Variants in FANCC observed in about 807,000 individuals in gnomAD.
The protein encoded by FANCC is FA complementation group C.
Under a neutral mutation model 71.3 loss-of-function variants are expected in FANCC, and 55 were observed. The observed-to-expected ratio is 0.77, with a 90% CI of 0.62 to 0.97. The LOEUF (loss-of-function observed/expected upper bound fraction) is 0.97. Among genes scored for constraint, FANCC ranks in the 50% least tolerant of loss-of-function variants. The pLI is 0.00. For missense variants in FANCC, 678 were observed against 670.9 expected (o/e 1.01, Z -0.12); for synonymous variants, 275 against 244.9 (o/e 1.12, Z -1.15).
intron 1 of FANCC, among the ~76,000 whole-genome samples, chr9:95,264,194 T>A (rs1281928853): frequency 6.6e-6 from 1 of 152,186 alleles, no homozygotes; most frequent in Non-Finnish European, 1.5e-5. Context: ...ATCAAACACA[T>A]CCTAGCTGAC....
In FANCC at chr9:95,206,652, C is replaced by T. The variant is rs572284673; in HGVS notation, c.345+33997G>A. ...CTTTCAAGCTCTTAAAGAAGATATACAGCCCAAGTTAAACCCCTTAACAGA... is the reference window on the plus strand; with the variant it reads ...CTTTCAAGCTCTTAAAGAAGATATATAGCCCAAGTTAAACCCCTTAACAGA... On this transcript the variant is annotated intron_variant, in intron 4 of 14. Transcript: ENST00000289081. 5.9e-5 allele frequency among the ~76,000 whole-genome samples: 9 copies of T among 152,210 alleles called. No individual in the cohort carries two copies. The East Asian group carries it at 1.5e-3, about 26-fold the overall frequency.
chr9:95,101,272 TA>T lies in FANCC; in HGVS notation c.*434del. 1 of 310,018 alleles carries T rather than the reference TA, an allele frequency of 3.2e-6. No homozygotes were observed. The highest frequency in any genetic ancestry group is 4.8e-5 in the East Asian group (1 of 20,982). 19.2% of individuals were successfully genotyped at this position (310,018 alleles called of 1,614,324 possible). ...GGCTTTATCCCAGATCCCTGACTCC[TA>T]AAAAGAGTCTAAAAAGAGCTAAGTT... On this transcript the variant is annotated 3_prime_UTR_variant, in exon 15 of 15. Transcript: ENST00000289081.
At chr9:95,276,765 T>G (rs1833064934) in intron 1 of FANCC, among the ~76,000 whole-genome samples, 1 of 152,196 alleles carries the variant, frequency 6.6e-6, no homozygotes, top group African/African-American at 2.4e-5. Flanking sequence ...AAAGTTACAG[T>G]TAGACAGGAG....
intron 13 of FANCC, chr9:95,110,353 T>C: frequency 3.9e-6 from 4 of 1,020,082 alleles, no homozygotes; most frequent in Non-Finnish European, 3.5e-6. Context: ...TAAGACAGAA[T>C]ATAAAAGGGC....
At chr9:95,294,297 G>T (rs771505685) in intron 1 of FANCC, 10 of 1,583,748 alleles carry the variant, frequency 6.3e-6, no homozygotes, top group Non-Finnish European at 8.7e-6. Flanking sequence ...AAACTGAAGA[G>T]AGTGAACTTA....
intron 1 of FANCC, among the ~76,000 whole-genome samples, chr9:95,278,767 G>T (rs1833195684): frequency 6.6e-6 from 1 of 152,126 alleles, no homozygotes. Context: ...CATATGTATA[G>T]GAGTAACATT....
intron 3 of FANCC, among the ~76,000 whole-genome samples, chr9:95,244,707 A>C (rs1040706679): frequency 6.7e-5 from 10 of 149,714 alleles, no homozygotes; most frequent in Admixed American, 3.3e-4. Flanking sequence ...AAAAAAAAAA[A>C]AAAAAACCCA....
rs930961575 is a variant in FANCC, at chr9:95,159,124, C to T, written c.522-9037G>A. 3.9e-5 allele frequency among the ~76,000 whole-genome samples: 6 copies of T among 152,054 alleles called. No individual in the cohort carries two copies. The South Asian group carries it at 1.2e-3, about 32-fold the overall frequency. On this transcript the variant is annotated intron_variant, in intron 6 of 14. Coordinates refer to ENST00000289081, the MANE Select transcript of FANCC (RefSeq NM_000136.3). ...GGTATACACGTGCCATGTTGGTTTG[C>T]TGCACCCATTACCTCATCATTTACA...
In FANCC at chr9:95,221,572, A is replaced by G. The variant is rs998168151; in HGVS notation, c.345+19077T>C. 3.0e-4 allele frequency among the ~76,000 whole-genome samples: 45 copies of G among 152,184 alleles called. 1 individual carries two copies. The highest frequency in any genetic ancestry group is 2.1e-4 in the South Asian group (1 of 4,828). On this transcript the variant is annotated intron_variant, in intron 4 of 14. Transcript: ENST00000289081. Reference sequence around the variant, plus strand: ...AAAACATATGCACTTTTGAGTATACAATTAAGAAAATGAAAAGGCAAGCCA... The same window carrying G: ...AAAACATATGCACTTTTGAGTATACGATTAAGAAAATGAAAAGGCAAGCCA...
At chr9:95,141,997 T>TG (rs957303984) in intron 7 of FANCC, among the ~76,000 whole-genome samples, 4 of 142,050 alleles carry the variant, frequency 2.8e-5, no homozygotes, top group African/African-American at 5.2e-5. Context: ...TTTTTTTTTT[T>TG]TTTTTTTTTT....
chr9:95,302,403 A>G (rs1490920726), intron 1 of FANCC, among the ~76,000 whole-genome samples: 3 of 152,206 alleles, frequency 2.0e-5, no homozygotes, highest in South Asian at 4.1e-4. Context: ...TCTCTTTGGG[A>G]GTGAAACAGA....
Position 95,111,588 on chromosome 9 carries a change from C to T in FANCC, c.1204G>A (p.Gly402Arg). Residue 402 changes from glycine to arginine, a missense_variant, in exon 13 of 15, where the codon GGA becomes AGA. Transcript: ENST00000289081. ...TGCTCTGCCACCATCTCAGCCCATC[C>T]TCCGAAGTGAATGAACAGGAACCAG... Reference protein sequence around the residue: ...ESWFLFIHFGGWAEMVAEQLL... With the variant: ...ESWFLFIHFGRWAEMVAEQLL... 1.9e-6 allele frequency: 3 copies of T among 1,614,198 alleles called. No individual in the cohort carries two copies. The highest frequency in any genetic ancestry group is 2.5e-6 in the Non-Finnish European group (3 of 1,180,046).
chr9:95,101,011 A>C lies in FANCC; in HGVS notation c.*696T>G, dbSNP rs1465271720. On this transcript the variant is annotated 3_prime_UTR_variant, in exon 15 of 15. Coordinates refer to ENST00000289081, the MANE Select transcript of FANCC (RefSeq NM_000136.3). ...ACTAACTGAATTAATCCTGCCTTCT[A>C]ATGTTTCTGGAACACATCCTCTACC... 1 of 233,500 alleles carries C rather than the reference A, an allele frequency of 4.3e-6. No individual in the cohort carries two copies. Among genetic ancestry groups the C allele is most frequent in the Non-Finnish European group, 8.4e-6 (1 of 118,362 alleles). 14.5% of individuals were successfully genotyped at this position (233,500 alleles called of 1,614,324 possible).
intron 4 of FANCC, among the ~76,000 whole-genome samples, chr9:95,189,677 A>C (rs1476480249): frequency 6.6e-6 from 1 of 152,178 alleles, no homozygotes; most frequent in Non-Finnish European, 1.5e-5. Context: ...TGCTTTACTA[A>C]ATACATTCAC....
chr9:95,254,225 A>G (rs1445854813), intron 1 of FANCC, among the ~76,000 whole-genome samples: 1 of 152,266 alleles, frequency 6.6e-6, no homozygotes, highest in African/African-American at 2.4e-5. Flanking sequence ...TCGTATTTAT[A>G]TGCTTTTCAA....
At chr9:95,106,912 G>A (rs2071494635) in intron 14 of FANCC, among the ~76,000 whole-genome samples, 154 bp downstream of exon 14, 1 of 152,162 alleles carries the variant, frequency 6.6e-6, no homozygotes, top group Non-Finnish European at 1.5e-5. Context: ...AGGCTCTGGG[G>A]TCCATCCCAG....
chr9:95,192,971 T>C (rs548282978), intron 4 of FANCC, among the ~76,000 whole-genome samples: 7 of 152,202 alleles, frequency 4.6e-5, no homozygotes, highest in African/African-American at 7.2e-5. Flanking sequence ...ATCTTTACTA[T>C]AGTGTATCTA....
intron 1 of FANCC, among the ~76,000 whole-genome samples, chr9:95,278,717 A>G (rs749007313): frequency 2.0e-5 from 3 of 152,136 alleles, no homozygotes; most frequent in Non-Finnish European, 4.4e-5. Context: ...TAACTCCATC[A>G]TAAGTCGAGA....
intron 4 of FANCC, among the ~76,000 whole-genome samples, chr9:95,209,501 T>G (rs1465751096): frequency 2.6e-5 from 4 of 152,158 alleles, no homozygotes; most frequent in African/African-American, 9.7e-5. Context: ...GGGAAATACC[T>G]GTACCTTCCA....
Sources: allele counts gnomAD v4.1 joint callset (sites outside exome capture counted in the v4.1 genomes callset), GRCh38; gene constraint gnomAD v4.1.1; transcripts MANE v1.5; gene names NCBI Gene and HGNC (gene_info 2026-07-23, HGNC 2026-07-21).